JDP2: variants seen among roughly 807,000 people sequenced by gnomAD.
JDP2 encodes Jun dimerization protein 2, also known as progesterone receptor co-activator.
JDP2 carries 9 observed loss-of-function variants against 17.1 expected under a neutral mutation model. The ratio of observed to expected loss-of-function variants is 0.53; its 90% CI spans 0.32 to 0.92. The LOEUF (loss-of-function observed/expected upper bound fraction) is 0.92. Among genes scored for constraint, JDP2 ranks in the 40% least tolerant of loss-of-function variants. The pLI is 0.04. For synonymous variants in JDP2, 107 were observed against 95.6 expected, an observed-to-expected ratio of 1.12 and a Z score of -0.69; for missense variants, 179 against 220.0, an observed-to-expected ratio of 0.81 and a Z score of 1.18.
intron 3 of JDP2, among the ~76,000 whole-genome samples, chr14:75,462,835 T>TA (rs1886400457): frequency 6.6e-6 from 1 of 152,084 alleles, no homozygotes; most frequent in Non-Finnish European, 1.5e-5. Context: ...TGTATCTACC[T>TA]CCAGGCTGTG....
At chr14:75,466,431 ACT>A (rs1216861523) in intron 3 of JDP2, among the ~76,000 whole-genome samples, 4 of 152,038 alleles carry the variant, frequency 2.6e-5, no homozygotes, top group African/African-American at 7.3e-5. Flanking sequence ...ACAGAGTGAG[ACT>A]CTGTTTCAAA....
At chr14:75,466,613 G>A (rs866558051) in intron 3 of JDP2, among the ~76,000 whole-genome samples, 5 of 152,268 alleles carry the variant, frequency 3.3e-5, no homozygotes, top group South Asian at 2.1e-4. Flanking sequence ...TGATACAGAC[G>A]CTCCCACATA....
At chr14:75,451,977 G>A (rs896165219) in intron 2 of JDP2, among the ~76,000 whole-genome samples, 28 of 152,174 alleles carry the variant, frequency 1.8e-4, no homozygotes, top group African/African-American at 6.3e-4. Context: ...GGAGTGCAGT[G>A]GCACAATCAT....
intron 3 of JDP2, among the ~76,000 whole-genome samples, chr14:75,468,221 G>A (rs147106709): frequency 2.6e-5 from 4 of 152,280 alleles, no homozygotes; most frequent in Non-Finnish European, 5.9e-5. Context: ...TACTTGTGGG[G>A]CTGGCCTGTG....
At chr14:75,465,919 G>A (rs1377154343) in intron 3 of JDP2, among the ~76,000 whole-genome samples, 1 of 152,142 alleles carries the variant, frequency 6.6e-6, no homozygotes, top group Non-Finnish European at 1.5e-5. Flanking sequence ...AAATGCAGCC[G>A]GAGGTATATG....
rs1243007243 is a variant in JDP2, at chr14:75,471,098, A to G, written c.*1623A>G. The G allele has an allele frequency of 6.6e-6, 1 of 152,228 alleles. No homozygotes were observed. Among genetic ancestry groups the G allele is most frequent in the Non-Finnish European group, 1.5e-5 (1 of 68,046 alleles). The allele number at this position is 152,228 out of a possible 1,614,324, so 9.4% of individuals were successfully genotyped here. A position where few individuals can be genotyped will look rare whatever the true frequency, so the allele number is the denominator to read the frequency against. On this transcript the variant is annotated 3_prime_UTR_variant, in exon 4 of 4. Coordinates refer to ENST00000651602, the MANE Select transcript of JDP2 (RefSeq NM_001135048.2). ...ACTCTCCTCCTGTCACCAACCCACT[A>G]TGATTGTCCTCATGGTTGAATAGGA...
At position 75,469,430 on chromosome 14, in the gene JDP2, C is replaced by CA; in HGVS notation, c.447_448insA (p.Glu150ArgfsTer32). On this transcript the variant is annotated frameshift_variant, in exon 4 of 4. Transcript: ENST00000651602. LOFTEE classifies it high-confidence loss of function. ...TCCGGACCGACAGTGTCAAGACCCC[C>CA]GAGTCAGAAGGCAACCCACTGCTCG... is the stretch of plus-strand genomic sequence containing the variant. 6.2e-7 allele frequency: 1 copy of CA among 1,614,008 alleles called. No individual in the cohort carries two copies. Among genetic ancestry groups the CA allele is most frequent in the Non-Finnish European group, 8.5e-7 (1 of 1,179,966 alleles).
chr14:75,460,034 T>C (rs1344457015), intron 2 of JDP2, among the ~76,000 whole-genome samples: 1 of 152,254 alleles, frequency 6.6e-6, no homozygotes, highest in Non-Finnish European at 1.5e-5. Context: ...AACTTCCTCA[T>C]AAGACTTTGA....
Position 75,469,619 on chromosome 14 carries a change from C to A in JDP2, c.*144C>A, listed in dbSNP as rs570047087. On this transcript the variant is annotated 3_prime_UTR_variant, in exon 4 of 4. Coordinates refer to ENST00000651602, the MANE Select transcript of JDP2 (RefSeq NM_001135048.2). The stretch of plus-strand genomic sequence containing the variant: ...TTCAGCACAGCCAGCATCAGCCGAG[C>A]TTTTTTGTGAAACTCAGATCAGCCA... The A allele has an allele frequency of 5.4e-6, 4 of 734,754 alleles. No homozygotes were observed. The East Asian group carries it at 8.5e-5, about 16-fold the overall frequency. The allele number at this position is 734,754 out of a possible 1,614,324, so 45.5% of individuals were successfully genotyped here.
chr14:75,451,928 C>G (rs114439615), intron 2 of JDP2, among the ~76,000 whole-genome samples: 1 of 152,146 alleles, frequency 6.6e-6, no homozygotes, highest in Non-Finnish European at 1.5e-5. Flanking sequence ...CTTCTTTTTT[C>G]TTTTTTTCGA....
intron 2 of JDP2, among the ~76,000 whole-genome samples, chr14:75,444,690 GTGC>G (rs1885514035): frequency 6.6e-6 from 1 of 152,230 alleles, no homozygotes; most frequent in Non-Finnish European, 1.5e-5. Context: ...ATTAAGTGAG[GTGC>G]TGTGTGAAAG....
At chr14:75,463,010 C>A (rs1407165800) in intron 3 of JDP2, among the ~76,000 whole-genome samples, 2 of 152,222 alleles carry the variant, frequency 1.3e-5, no homozygotes, top group Non-Finnish European at 2.9e-5. Context: ...ATTTCCAGCA[C>A]CAAGTGCCTG....
At chr14:75,429,770 G>A (rs1003405550) in intron 1 of JDP2, among the ~76,000 whole-genome samples, 3 of 152,146 alleles carry the variant, frequency 2.0e-5, no homozygotes, top group Non-Finnish European at 4.4e-5. Context: ...TTTAGAGCAG[G>A]GAGGATGGAT....
chr14:75,450,780 A>C (rs1885815725), intron 2 of JDP2, among the ~76,000 whole-genome samples: 1 of 152,216 alleles, frequency 6.6e-6, no homozygotes, highest in South Asian at 2.1e-4. Flanking sequence ...TGCTGAGCAC[A>C]CAAAAAGTCA....
chr14:75,458,681 C>T lies in JDP2; in HGVS notation c.202-2745C>T, dbSNP rs149654539. ...TGATTTATATTCCTTGGGGTATATA[C>T]TCAGGAATGAGATTGCTGGATTGAA... On this transcript the variant is annotated intron_variant, in intron 2 of 3. Coordinates refer to ENST00000651602, the MANE Select transcript of JDP2 (RefSeq NM_001135048.2). 7.9e-5 allele frequency among the ~76,000 whole-genome samples: 12 copies of T among 152,306 alleles called. No individual in the cohort carries two copies. The East Asian group carries it at 2.1e-3, about 27-fold the overall frequency.
chr14:75,454,189 A>G (rs536498043), intron 2 of JDP2, among the ~76,000 whole-genome samples: 1 of 40,086 alleles, frequency 2.5e-5, no homozygotes, highest in East Asian at 9.9e-4. Context: ...CCTTTAAACC[A>G]TGGAGCTTGA....
chr14:75,437,055 G>A (rs1594947885), intron 1 of JDP2, among the ~76,000 whole-genome samples: 1 of 152,154 alleles, frequency 6.6e-6, no homozygotes, highest in East Asian at 1.9e-4. Context: ...TTAGCTGGGC[G>A]TGGTGGCAGG....
chr14:75,442,986 G>T (rs1186575230), intron 2 of JDP2, among the ~76,000 whole-genome samples: 2 of 152,130 alleles, frequency 1.3e-5, no homozygotes, highest in African/African-American at 4.8e-5. Flanking sequence ...TATTCCACAT[G>T]GGGACCGGAT....
chr14:75,461,039 C>CT (rs1344885647), intron 2 of JDP2, among the ~76,000 whole-genome samples: 1 of 152,176 alleles, frequency 6.6e-6, no homozygotes, highest in Non-Finnish European at 1.5e-5. Context: ...GCCAAATTTC[C>CT]TTTTATAACA....
Sources: gnomAD v4.1 joint callset for allele counts (sites outside exome capture counted in the v4.1 genomes callset) on GRCh38, gnomAD v4.1.1 for gene constraint, MANE v1.5 for transcripts, NCBI Gene and HGNC (gene_info 2026-07-23, HGNC 2026-07-21) for gene names.